TENM1: variants seen among roughly 807,000 people sequenced by gnomAD.
TENM1 encodes the protein teneurin transmembrane protein 1.
TENM1 carries 35 observed loss-of-function variants against 174.8 expected under a neutral mutation model. The ratio of observed to expected loss-of-function variants is 0.20; its 90% CI spans 0.15 to 0.27. The LOEUF (loss-of-function observed/expected upper bound fraction) is 0.27, where lower values mean the gene tolerates loss of function less well. Among genes scored for constraint, TENM1 ranks in the 10% least tolerant of loss-of-function variants. The probability of loss-of-function intolerance (pLI) is 1.00; values close to 1 mark genes in which losing one functional copy is unlikely to be tolerated. For synonymous variants in TENM1, 781 were observed against 798.7 expected, an observed-to-expected ratio of 0.98 and a Z score of 0.37; for missense variants, 1,633 against 2,130.1, an observed-to-expected ratio of 0.77 and a Z score of 4.59.
chrX:125,145,840 T>C, the TENM1 span, among the ~76,000 whole-genome samples: 4 of 111,996 alleles, frequency 3.6e-5, no homozygotes, highest in African/African-American at 1.3e-4. Flanking sequence ...AAAACTTTCT[T>C]AATCATAGAA....
In TENM1 at chrX:124,384,315, G is replaced by A; in HGVS notation, c.6616C>T (p.Arg2206Ter). The A allele has an allele frequency of 1.7e-6, 2 of 1,208,764 alleles. No individual in the cohort carries two copies. Among genetic ancestry groups the A allele is most frequent in the Non-Finnish European group, 2.2e-6 (2 of 893,727 alleles). The change falls in exon 30 of 32, where the codon CGA becomes TGA. Residue 2206 changes from arginine to a stop codon, truncating the protein, a stop_gained. Coordinates refer to ENST00000422452, the Ensembl canonical transcript of TENM1. LOFTEE classifies it high-confidence loss of function. ...TCTCCTAATCTGGTGATGCGGTCTC[G>A]GAGGTCATATCGGAGAGGAGTAAGA...
Position 124,831,025 on chromosome X carries a change from GC to G in TENM1, c.535+63270del, listed in dbSNP as rs1232763306. On this transcript the variant is annotated intron_variant, in intron 3 of 31. Coordinates refer to ENST00000422452, the Ensembl canonical transcript of TENM1. ...GCAGGGCCAGTCCAGAGTTGTTTTT[GC>G]CTTAGTCAAGGACAATTTTTGAAGA... 3.6e-5 allele frequency among the ~76,000 whole-genome samples: 4 copies of G among 111,483 alleles called. No individual in the cohort carries two copies. The Admixed American group carries it at 3.8e-4, about 11-fold the overall frequency.
At chrX:124,547,367 T>C (rs1476328432) in intron 14 of TENM1, among the ~76,000 whole-genome samples, 1 of 112,057 alleles carries the variant, frequency 8.9e-6, no homozygotes, top group Non-Finnish European at 1.9e-5. Flanking sequence ...ATAGTTATTG[T>C]TTAGAGTTTG....
intron 27 of TENM1, among the ~76,000 whole-genome samples, chrX:124,404,110 A>T (rs918695517): frequency 3.4e-4 from 38 of 111,704 alleles, no homozygotes; most frequent in African/African-American, 1.2e-3. Context: ...ATTAAAAAGA[A>T]AATTTTATAT....
chrX:124,529,147 T>C (rs1231649887), intron 16 of TENM1, among the ~76,000 whole-genome samples: 1 of 111,946 alleles, frequency 8.9e-6, no homozygotes, highest in African/African-American at 3.3e-5. Context: ...ATTATTACAG[T>C]GTCCCTGAGA....
intron 1 of TENM1, among the ~76,000 whole-genome samples, chrX:124,954,565 C>T (rs1016927114): frequency 3.6e-5 from 4 of 111,477 alleles, no homozygotes; most frequent in Non-Finnish European, 5.7e-5. Context: ...GGTTTTGGCA[C>T]TAAGTGGAAA....
chrX:125,185,168 A>G, the TENM1 span, among the ~76,000 whole-genome samples: 1 of 112,553 alleles, frequency 8.9e-6, no homozygotes, highest in East Asian at 2.8e-4. Context: ...AGACTTTACT[A>G]AAGAATCAAA....
intron 3 of TENM1, among the ~76,000 whole-genome samples, chrX:124,743,146 A>C (rs2053840080): frequency 9.0e-6 from 1 of 111,555 alleles, no homozygotes; most frequent in African/African-American, 3.3e-5. Flanking sequence ...AATGATCATC[A>C]AATTAGACTT....
intron 23 of TENM1, among the ~76,000 whole-genome samples, chrX:124,424,169 G>C (rs1442219639): frequency 1.8e-5 from 2 of 112,426 alleles, no homozygotes; most frequent in African/African-American, 3.2e-5. Context: ...ATAGTATTTT[G>C]TATGGCTGCC....
chrX:124,473,929 T>C (rs1372812458), intron 22 of TENM1, among the ~76,000 whole-genome samples: 1 of 111,252 alleles, frequency 9.0e-6, no homozygotes, highest in Non-Finnish European at 1.9e-5. Flanking sequence ...AAATATAACA[T>C]GTACAAGGAA....
intron 11 of TENM1, among the ~76,000 whole-genome samples, chrX:124,638,911 G>GT (rs2050945272): frequency 9.0e-6 from 1 of 111,029 alleles, no homozygotes; most frequent in Non-Finnish European, 1.9e-5. Context: ...TACATCTACC[G>GT]TGGTCATTCC....
chrX:124,915,773 A>T (rs1027553036), intron 1 of TENM1, among the ~76,000 whole-genome samples: 7 of 112,324 alleles, frequency 6.2e-5, no homozygotes, highest in Admixed American at 1.9e-4. Context: ...TTGCTCAGTA[A>T]ATATTCAAGT....
intron 6 of TENM1, among the ~76,000 whole-genome samples, chrX:124,670,229 G>A (rs1169580625): frequency 1.8e-5 from 2 of 112,329 alleles, no homozygotes; most frequent in South Asian, 3.7e-4. Flanking sequence ...TGACAACTAT[G>A]TGATGACCTG....
exon 30 of TENM1, chrX:124,384,016 G>T (rs754499443): frequency 1.7e-6 from 2 of 1,211,715 alleles, no homozygotes; most frequent in Non-Finnish European, 2.2e-6. Flanking sequence ...GGTGACCTTG[G>T]AGATCATAAT....
chrX:124,692,300 G>A (rs2052544117), intron 5 of TENM1, among the ~76,000 whole-genome samples: 1 of 110,981 alleles, frequency 9.0e-6, no homozygotes, highest in African/African-American at 3.3e-5. Flanking sequence ...GGAGAGTGGA[G>A]GAAGATGAGG....
intron 4 of TENM1, among the ~76,000 whole-genome samples, chrX:124,718,971 G>T (rs193037629): frequency 2.3e-4 from 26 of 111,815 alleles, no homozygotes; most frequent in East Asian, 2.2e-3. Flanking sequence ...GTAGAGGTCA[G>T]ATACGCTGCT....
chrX:125,179,329 G>A, the TENM1 span, among the ~76,000 whole-genome samples: 213 of 110,776 alleles, frequency 1.9e-3, 1 homozygote, highest in African/African-American at 6.1e-3. Context: ...CATAAATCTT[G>A]TTTAAAGATT....
At chrX:124,574,498 A>G (rs1036989428) in intron 11 of TENM1, among the ~76,000 whole-genome samples, 3 of 111,501 alleles carry the variant, frequency 2.7e-5, no homozygotes, top group Admixed American at 9.6e-5. Flanking sequence ...GTAAAAATTC[A>G]TAAAAATTAA....
chrX:124,993,613 A>G, the TENM1 span, among the ~76,000 whole-genome samples: 1 of 110,917 alleles, frequency 9.0e-6, no homozygotes, highest in Non-Finnish European at 1.9e-5. Context: ...GGATGAGAGG[A>G]AGCTACTTCA....
Sources: gnomAD v4.1 joint callset for allele counts (sites outside exome capture counted in the v4.1 genomes callset) on GRCh38, gnomAD v4.1.1 for gene constraint, MANE v1.5 for transcripts, NCBI Gene and HGNC (gene_info 2026-07-23, HGNC 2026-07-21) for gene names.